Variants in MTFR1 observed in about 807,000 individuals in gnomAD.
MTFR1 encodes mitochondrial fission regulator 1.
In MTFR1, 28 loss-of-function variants were observed where a neutral mutation model predicts 38.8. The observed-to-expected ratio is 0.72, with a 90% confidence interval of 0.53 to 0.99. The LOEUF (loss-of-function observed/expected upper bound fraction) is 0.99, where lower values mean the gene tolerates loss of function less well. Ranked by LOEUF, MTFR1 falls within the 50% of genes least tolerant of loss-of-function variation. The probability of loss-of-function intolerance (pLI) is 0.00; values close to 1 mark genes in which losing one functional copy is unlikely to be tolerated. For missense variants in MTFR1, 358 were observed against 395.5 expected (o/e 0.91, Z 0.81); for synonymous variants, 145 against 137.0 (o/e 1.06, Z -0.41).
intron 3 of MTFR1, among the ~76,000 whole-genome samples, chr8:65,756,322 AT>A (rs1197537817): frequency 6.6e-6 from 1 of 151,980 alleles, no homozygotes; most frequent in Non-Finnish European, 1.5e-5. Flanking sequence ...TGGGAAGTTT[AT>A]TTTTTCAAAT....
At chr8:65,763,240 T>A (rs1808600356) in intron 3 of MTFR1, among the ~76,000 whole-genome samples, 1 of 151,936 alleles carries the variant, frequency 6.6e-6, no homozygotes, top group African/African-American at 2.4e-5. Flanking sequence ...TTTGAAAAAA[T>A]TTAATAAAAT....
intron 1 of MTFR1, among the ~76,000 whole-genome samples, chr8:65,668,528 T>TC (rs1200465267): frequency 6.8e-6 from 1 of 146,214 alleles, no homozygotes; most frequent in Non-Finnish European, 1.5e-5. Context: ...CTTTTTTCTT[T>TC]TTTTTTTTTT....
intron 3 of MTFR1, among the ~76,000 whole-genome samples, chr8:65,757,450 C>A (rs1808284438): frequency 6.6e-6 from 1 of 152,062 alleles, no homozygotes; most frequent in African/African-American, 2.4e-5. Context: ...TGACTGTCTC[C>A]CAGGGTGAGG....
intron 3 of MTFR1, among the ~76,000 whole-genome samples, chr8:65,735,102 G>A (rs1046760544): frequency 3.9e-5 from 6 of 152,108 alleles, no homozygotes; most frequent in African/African-American, 9.7e-5. Flanking sequence ...TATCATGGAC[G>A]AACAGACTAG....
At chr8:65,650,790 C>T (rs1422248608) in intron 1 of MTFR1, among the ~76,000 whole-genome samples, 2 of 152,170 alleles carry the variant, frequency 1.3e-5, no homozygotes, top group Non-Finnish European at 2.9e-5. Context: ...CTTCAATATA[C>T]TGATTTCCTT....
chr8:65,771,037 A>G, exon 4 of MTFR1: 1 of 384,782 alleles, frequency 2.6e-6, no homozygotes, highest in South Asian at 2.0e-5. Context: ...GAGAATAAGG[A>G]CTATGACAAA....
At chr8:65,749,338 C>T (rs1221389180) in intron 3 of MTFR1, among the ~76,000 whole-genome samples, 3 of 152,068 alleles carry the variant, frequency 2.0e-5, no homozygotes, top group Non-Finnish European at 4.4e-5. Context: ...ATCTGATGAA[C>T]TCTGAGGTTC....
intron 3 of MTFR1, chr8:65,724,365 C>CAAT: frequency 1.3e-6 from 2 of 1,580,370 alleles, no homozygotes; most frequent in Non-Finnish European, 1.7e-6. Context: ...GCAAACAAAA[C>CAAT]ATTAATATTG....
In MTFR1 at chr8:65,710,435, T is replaced by G. The variant is rs1805910914; in HGVS notation, c.*1391T>G. On this transcript the variant is annotated 3_prime_UTR_variant, in exon 8 of 8. Coordinates refer to ENST00000262146, the MANE Select transcript of MTFR1 (RefSeq NM_014637.4). ...TTCTCTTTAACAAAATTCAGAAAATTCACCTGAAACGTATTTTGACCTAAA... is the reference window on the plus strand; with the variant it reads ...TTCTCTTTAACAAAATTCAGAAAATGCACCTGAAACGTATTTTGACCTAAA... 6.6e-6 allele frequency: 1 copy of G among 152,612 alleles called. No homozygotes were observed. The highest frequency in any genetic ancestry group is 1.5e-5 in the Non-Finnish European group (1 of 68,030). The allele number at this position is 152,612 out of a possible 1,614,324, so 9.5% of individuals were successfully genotyped here. A position where few individuals can be genotyped will look rare whatever the true frequency, so the allele number is the denominator to read the frequency against.
At chr8:65,766,663 C>A (rs1374436960) in intron 3 of MTFR1, among the ~76,000 whole-genome samples, 2 of 152,240 alleles carry the variant, frequency 1.3e-5, no homozygotes. Context: ...CTCCCTCTCT[C>A]CTCTTCCTCC....
Position 65,710,141 on chromosome 8 carries a change from A to G in MTFR1, c.*1097A>G, listed in dbSNP as rs537443024. 5.3e-5 allele frequency: 8 copies of G among 152,342 alleles called. No homozygotes were observed. The South Asian group carries it at 1.2e-3, about 24-fold the overall frequency. 9.4% of individuals were successfully genotyped at this position (152,342 alleles called of 1,614,324 possible). ...TTCTATTTCTGATACACTCAGCTATAGTTAATACCAGAGTATCCTACCAGG... is the reference window on the plus strand; with the variant it reads ...TTCTATTTCTGATACACTCAGCTATGGTTAATACCAGAGTATCCTACCAGG... On this transcript the variant is annotated 3_prime_UTR_variant, in exon 8 of 8. Coordinates refer to ENST00000262146, the MANE Select transcript of MTFR1 (RefSeq NM_014637.4).
At chr8:65,670,138 G>C (rs1162340912) in intron 2 of MTFR1, 120 bp downstream of exon 2, 1 of 767,328 alleles carries the variant, frequency 1.3e-6, no homozygotes, top group Non-Finnish European at 2.0e-6. Flanking sequence ...TTTATGTACT[G>C]TTTAATTTGC....
downstream of MTFR1, among the ~76,000 whole-genome samples, chr8:65,771,884 CAAAAA>C (rs36101490): frequency 1.8e-5 from 1 of 55,836 alleles, no homozygotes; most frequent in Non-Finnish European, 3.7e-5. Flanking sequence ...CTCCATCTCT[CAAAAA>C]AAAAAAAAAA....
chr8:65,670,038 T>G lies in MTFR1; in HGVS notation c.66+20T>G, dbSNP rs761879814. The G allele has an allele frequency of 1.3e-6, 2 of 1,575,650 alleles. No homozygotes were observed. The highest frequency in any genetic ancestry group is 2.1e-5 in the Admixed American group (1 of 47,182). ...CAATCGGTGAGTGCTCAAAATTCAT[T>G]TTTTAAATCCCGACATTTAGATATT... On this transcript the variant is annotated intron_variant, in intron 2 of 7. Transcript: ENST00000262146.
intron 3 of MTFR1, chr8:65,735,031 A>T: frequency 1.6e-6 from 1 of 630,280 alleles, no homozygotes; most frequent in Non-Finnish European, 2.9e-6. Context: ...CGGGCAGATG[A>T]TAATCACCTC....
chr8:65,656,797 G>A (rs186541615), intron 1 of MTFR1, among the ~76,000 whole-genome samples: 54 of 151,080 alleles, frequency 3.6e-4, no homozygotes, highest in Admixed American at 7.3e-4. Context: ...CACCATGCCC[G>A]GCTGCCTGGC....
At chr8:65,752,171 C>A (rs1808000353) in intron 3 of MTFR1, among the ~76,000 whole-genome samples, 1 of 152,208 alleles carries the variant, frequency 6.6e-6, no homozygotes, top group South Asian at 2.1e-4. Flanking sequence ...TTTCCCCTTT[C>A]CTCTTCCAGT....
chr8:65,690,796 T>G (rs1312659560), intron 3 of MTFR1, among the ~76,000 whole-genome samples: 2 of 152,164 alleles, frequency 1.3e-5, no homozygotes, highest in Non-Finnish European at 2.9e-5. Context: ...AAGGCACCAT[T>G]CAGATTTTAG....
At chr8:65,714,209 C>T (rs150798321), downstream of MTFR1, 176 of 150,184 alleles carry the variant, frequency 1.2e-3, 1 homozygote, top group African/African-American at 4.2e-3. Context: ...TATCTAGTGC[C>T]ATCTTCTGCA....
Sources: gnomAD v4.1 joint callset for allele counts (sites outside exome capture counted in the v4.1 genomes callset) on GRCh38, gnomAD v4.1.1 for gene constraint, MANE v1.5 for transcripts, NCBI Gene and HGNC (gene_info 2026-07-23, HGNC 2026-07-21) for gene names.